The following FAM110B variants were observed in gnomAD, a reference collection of about 807,000 sequenced individuals.
FAM110B encodes family with sequence similarity 110 member B, also known as protein FAM110B.
Under a neutral mutation model 20.4 loss-of-function variants are expected in FAM110B, and 6 were observed. The observed-to-expected ratio is 0.29, with a 90% CI of 0.16 to 0.58. FAM110B has a LOEUF of 0.58. FAM110B is among the 20% of genes least tolerant of loss of function. The pLI is 0.90. For missense variants in FAM110B, 434 were observed against 498.2 expected, an observed-to-expected ratio of 0.87 and a Z score of 1.23; for synonymous variants, 226 against 214.1, an observed-to-expected ratio of 1.06 and a Z score of -0.49.
At position 58,146,852 on chromosome 8, in the gene FAM110B, A is replaced by C; in HGVS notation, c.622A>C (p.Ser208Arg). 1.2e-6 allele frequency: 2 copies of C among 1,613,602 alleles called. No individual in the cohort carries two copies. The highest frequency in any genetic ancestry group is 2.2e-5 in the East Asian group (1 of 44,868). Residue 208 changes from serine (S) to arginine (R), a missense_variant, in exon 4 of 4, where the codon AGC (serine) becomes CGC (arginine). Physicochemically the swap from Ser to Arg is moderately radical, Grantham distance 110. Transcript: ENST00000519262. ...CTCTTCGGACATCCGCAAGGTGACC[A>C]GCGTGAAGCCCCTCAAGGCCATCCC... Reference protein sequence around the residue: ...HSSSDIRKVTSVKPLKAIPCS... With the variant: ...HSSSDIRKVTRVKPLKAIPCS...
chr8:58,056,234 T>A (rs1563353398), intron 2 of FAM110B, among the ~76,000 whole-genome samples: 1 of 152,232 alleles, frequency 6.6e-6, no homozygotes. Context: ...TATATAACTT[T>A]TTTAAAAACT....
At chr8:58,027,754 C>T (rs1343114555) in intron 1 of FAM110B, among the ~76,000 whole-genome samples, 1 of 152,124 alleles carries the variant, frequency 6.6e-6, no homozygotes, top group Non-Finnish European at 1.5e-5. Flanking sequence ...AATTGCTTTA[C>T]GTTGTTGTAT....
chr8:58,113,344 G>A lies in FAM110B; in HGVS notation c.-324-32563G>A, dbSNP rs1346372199. The A allele has an allele frequency of 1.8e-5, 4 of 218,008 alleles. No homozygotes were observed. In the East Asian group the frequency reaches 3.3e-4, roughly 18 times the overall value. The allele number at this position is 218,008 out of a possible 1,614,324, so 13.5% of individuals were successfully genotyped here. A position where few individuals can be genotyped will look rare whatever the true frequency, so the allele number is the denominator to read the frequency against. ...GGAGTGAATGCCCATGTGGACAGTT[G>A]TGCCATTAGCCTTTTCCCACTGCAC... On this transcript the variant is annotated intron_variant, in intron 3 of 3. Coordinates refer to ENST00000519262, the MANE Select transcript of FAM110B (RefSeq NM_001377989.1).
chr8:58,017,419 TATA>T (rs1804661876), intron 1 of FAM110B, among the ~76,000 whole-genome samples: 3 of 152,184 alleles, frequency 2.0e-5, no homozygotes, highest in Admixed American at 1.3e-4. Context: ...ACATATTTTA[TATA>T]AAGATTTCAG....
intron 3 of FAM110B, among the ~76,000 whole-genome samples, chr8:58,144,792 G>A (rs1803820680): frequency 6.6e-6 from 1 of 152,220 alleles, no homozygotes. Context: ...TCTGCCTGCA[G>A]TAACAGGCTA....
chr8:58,027,324 A>C (rs1049196927), intron 1 of FAM110B, among the ~76,000 whole-genome samples: 6 of 152,210 alleles, frequency 3.9e-5, no homozygotes, highest in African/African-American at 1.2e-4. Context: ...TGATTGCTAT[A>C]ATCCTTATTA....
chr8:58,025,301 G>A (rs1490005117), intron 1 of FAM110B, among the ~76,000 whole-genome samples: 3 of 152,134 alleles, frequency 2.0e-5, no homozygotes, highest in African/African-American at 7.2e-5. Context: ...GGGGGCATGG[G>A]CCGAAAGTCT....
chr8:58,081,826 C>A (rs1300516826), intron 3 of FAM110B, among the ~76,000 whole-genome samples: 1 of 151,928 alleles, frequency 6.6e-6, no homozygotes, highest in Admixed American at 6.6e-5. Flanking sequence ...GAATTTTTGC[C>A]ATTTATTCAT....
intron 2 of FAM110B, among the ~76,000 whole-genome samples, chr8:58,044,465 A>G (rs1254371673): frequency 6.6e-6 from 1 of 152,220 alleles, no homozygotes; most frequent in Non-Finnish European, 1.5e-5. Flanking sequence ...AAATAAAAAT[A>G]TGTTATGTAG....
intron 1 of FAM110B, among the ~76,000 whole-genome samples, chr8:58,000,525 A>C (rs559550147): frequency 6.6e-6 from 1 of 152,278 alleles, no homozygotes; most frequent in African/African-American, 2.4e-5. Context: ...CCTTGGGTGA[A>C]GTTTAATGAA....
intron 2 of FAM110B, among the ~76,000 whole-genome samples, chr8:58,074,076 G>T (rs1805970998): frequency 2.6e-5 from 4 of 152,122 alleles, no homozygotes; most frequent in Admixed American, 2.6e-4. Context: ...CCTGTAAAAT[G>T]CGCAGGCTTT....
At chr8:58,109,071 T>C (rs934882985) in intron 3 of FAM110B, among the ~76,000 whole-genome samples, 1 of 152,236 alleles carries the variant, frequency 6.6e-6, no homozygotes, top group African/African-American at 2.4e-5. Context: ...TTTCCTCTTT[T>C]ACCTCTTACA....
intron 3 of FAM110B, among the ~76,000 whole-genome samples, chr8:58,119,818 C>T (rs1246891067): frequency 6.6e-6 from 1 of 152,198 alleles, no homozygotes; most frequent in African/African-American, 2.4e-5. Context: ...ACTCGGCATG[C>T]CGCTAAGCGC....
At chr8:58,006,054 A>G (rs890363357) in intron 1 of FAM110B, among the ~76,000 whole-genome samples, 1 of 152,108 alleles carries the variant, frequency 6.6e-6, no homozygotes, top group African/African-American at 2.4e-5. Flanking sequence ...AATAATAATA[A>G]TGACAATGAT....
At chr8:58,075,271 T>TGGTGTGTGTGTGTGTGTGTGTGTGTGTG (rs1554521060) in intron 2 of FAM110B, among the ~76,000 whole-genome samples, 1 of 134,726 alleles carries the variant, frequency 7.4e-6, no homozygotes, top group African/African-American at 3.7e-5. Flanking sequence ...GCTTTTTTTT[T>TGGTGTGTGTGTGTGTGTGTGTGTGTGTG]TTTTTGTGTG....
chr8:58,026,615 G>A (rs1382404605), intron 1 of FAM110B, among the ~76,000 whole-genome samples: 4 of 152,046 alleles, frequency 2.6e-5, no homozygotes, highest in Non-Finnish European at 5.9e-5. Context: ...ACCACAACTG[G>A]ATTTAACAAG....
chr8:58,126,516 A>G (rs1042741875), intron 3 of FAM110B, among the ~76,000 whole-genome samples: 2 of 152,078 alleles, frequency 1.3e-5, no homozygotes, highest in African/African-American at 4.8e-5. Context: ...TCCTACTATC[A>G]AGGCATATAG....
chr8:58,072,752 A>G (rs941848003), intron 2 of FAM110B, among the ~76,000 whole-genome samples: 1 of 152,236 alleles, frequency 6.6e-6, no homozygotes, highest in Non-Finnish European at 1.5e-5. Context: ...ATTTTCTGTT[A>G]TAAGGGATAC....
chr8:58,113,825 G>A (rs1807127202), intron 3 of FAM110B, among the ~76,000 whole-genome samples: 1 of 152,192 alleles, frequency 6.6e-6, no homozygotes, highest in South Asian at 2.1e-4. Flanking sequence ...CACTTCATAG[G>A]TTTTCATTTC....
Sources: allele counts gnomAD v4.1 joint callset (sites outside exome capture counted in the v4.1 genomes callset), GRCh38; gene constraint gnomAD v4.1.1; transcripts MANE v1.5; gene names NCBI Gene and HGNC (gene_info 2026-07-23, HGNC 2026-07-21).